Variants in MTMR10 observed in about 807,000 individuals in gnomAD.
The protein encoded by MTMR10 is myotubularin related protein 10.
A neutral mutation model predicts 88.1 loss-of-function variants in MTMR10; 56 were observed. The observed-to-expected ratio is 0.64, with a 90% CI of 0.51 to 0.79. The LOEUF is 0.79. Ranked by LOEUF, MTMR10 falls within the 30% of genes least tolerant of loss-of-function variation. The pLI is 0.00. For synonymous variants in MTMR10, 380 were observed against 340.9 expected (o/e 1.11, Z -1.26); for missense variants, 883 against 924.7 (o/e 0.95, Z 0.58).
downstream of MTMR10, chr15:30,937,076 T>C (rs768313444): frequency 1.3e-6 from 2 of 1,549,002 alleles, no homozygotes; most frequent in South Asian, 2.3e-5. Context: ...GGCTTTTCAT[T>C]CAGTAAGATA....
At position 30,977,061 on chromosome 15, in the gene MTMR10, A is replaced by G. The variant is rs1306020644; in HGVS notation, c.122-106T>C. On this transcript the variant is annotated intron_variant, in intron 2 of 15. Transcript: ENST00000435680. Reference sequence around the variant, plus strand: ...ATGAGGGCAAGGATGAGGATAGTGAAAACATTCACCAATTGCCCACCAGGT... The same window carrying G: ...ATGAGGGCAAGGATGAGGATAGTGAGAACATTCACCAATTGCCCACCAGGT... The G allele has an allele frequency of 5.5e-6, 6 of 1,082,342 alleles. No individual in the cohort carries two copies. In the African/African-American group the frequency reaches 9.5e-5, roughly 17 times the overall value. The allele number at this position is 1,082,342 out of a possible 1,614,324, so 67.0% of individuals were successfully genotyped here. A position where few individuals can be genotyped will look rare whatever the true frequency, so the allele number is the denominator to read the frequency against.
At chr15:30,942,163 A>AAATT (rs2063076730) in intron 15 of MTMR10, 91 bp from the exon 16 acceptor site, 3 of 1,399,202 alleles carry the variant, frequency 2.1e-6, no homozygotes, top group Non-Finnish European at 2.9e-6. Flanking sequence ...ATACTATGAA[A>AAATT]AATTAATGGA....
At chr15:30,937,294 G>A (rs1465896885), downstream of MTMR10, 36 of 1,576,546 alleles carry the variant, frequency 2.3e-5, no homozygotes, top group Non-Finnish European at 3.0e-5. Flanking sequence ...ATACATTAAT[G>A]TAAGATTTTC....
intron 6 of MTMR10, among the ~76,000 whole-genome samples, chr15:30,967,044 C>T (rs1245012023): frequency 1.3e-5 from 2 of 151,826 alleles, no homozygotes; most frequent in Non-Finnish European, 2.9e-5. Context: ...TACCATGTTT[C>T]GTGGTAACAA....
At chr15:30,929,492 A>AT in the MTMR10 span, 1 of 799,202 alleles carries the variant, frequency 1.3e-6, no homozygotes, top group Non-Finnish European at 2.0e-6. Context: ...ACATGTGTGT[A>AT]TATGTAAATA....
intron 2 of MTMR10, among the ~76,000 whole-genome samples, chr15:30,983,266 C>T (rs2030713912): frequency 6.6e-6 from 1 of 152,172 alleles, no homozygotes; most frequent in African/African-American, 2.4e-5. Context: ...AGGAAATTAG[C>T]TTCAGTGTGC....
downstream of MTMR10, chr15:30,938,795 TA>T: frequency 5.8e-6 from 3 of 514,024 alleles, no homozygotes; most frequent in Non-Finnish European, 7.5e-6. Context: ...GAATTGCTGT[TA>T]AAAAAAGTTA....
chr15:30,972,551 C>T (rs1047477128), intron 5 of MTMR10, among the ~76,000 whole-genome samples: 4 of 152,086 alleles, frequency 2.6e-5, no homozygotes, highest in African/African-American at 9.7e-5. Flanking sequence ...TCTTCATGAA[C>T]CAGCAGCACA....
intron 5 of MTMR10, 31 bp from the exon 6 acceptor site, chr15:30,968,041 T>C (rs1330980529): frequency 6.9e-7 from 1 of 1,449,206 alleles, no homozygotes; most frequent in Non-Finnish European, 9.5e-7. Context: ...AGAATTTGAT[T>C]TTAACACACT....
intron 2 of MTMR10, among the ~76,000 whole-genome samples, chr15:30,984,695 A>G (rs897261327): frequency 2.6e-5 from 4 of 152,174 alleles, no homozygotes; most frequent in Non-Finnish European, 4.4e-5. Flanking sequence ...CCGATTACAA[A>G]AGACTCTGAC....
chr15:30,971,612 A>G (rs975977913), intron 5 of MTMR10, among the ~76,000 whole-genome samples: 2 of 152,180 alleles, frequency 1.3e-5, no homozygotes, highest in African/African-American at 4.8e-5. Flanking sequence ...ATCAGAGAAC[A>G]AAGTGGAGAC....
chr15:30,955,499 T>C (rs1414133741), intron 9 of MTMR10, among the ~76,000 whole-genome samples: 1 of 152,156 alleles, frequency 6.6e-6, no homozygotes, highest in Non-Finnish European at 1.5e-5. Flanking sequence ...CTCAAACTCC[T>C]GACCTTGTGA....
At chr15:30,962,663 A>G (rs1023799146) in intron 6 of MTMR10, among the ~76,000 whole-genome samples, 13 of 152,186 alleles carry the variant, frequency 8.5e-5, no homozygotes, top group African/African-American at 2.2e-4. Flanking sequence ...CTGGTATAAG[A>G]CAGGTATTTT....
intron 15 of MTMR10, 173 bp downstream of exon 15, chr15:30,942,717 C>T: frequency 1.5e-6 from 1 of 651,780 alleles, no homozygotes. Flanking sequence ...GCCTCAGACA[C>T]CAGGAAGAAA....
At chr15:30,929,103 C>A in the MTMR10 span, 2 of 943,478 alleles carry the variant, frequency 2.1e-6, no homozygotes, top group Non-Finnish European at 3.2e-6. Flanking sequence ...AAGAATGTAT[C>A]GGTTGGCCGG....
chr15:30,983,339 G>A (rs12439664), intron 2 of MTMR10, among the ~76,000 whole-genome samples: 89,199 of 152,022 alleles, frequency 0.59, 27,582 homozygotes, highest in African/African-American at 0.77. Flanking sequence ...ACACCTGGGA[G>A]GAAATCAAGA....
chr15:30,978,483 T>C (rs1355473180), intron 2 of MTMR10, among the ~76,000 whole-genome samples: 6 of 152,204 alleles, frequency 3.9e-5, no homozygotes, highest in East Asian at 1.9e-4. Context: ...TAATTCAATA[T>C]GGCTAAGCAG....
chr15:30,981,155 A>C lies in MTMR10; in HGVS notation c.122-4200T>G, dbSNP rs543404230. Among the ~76,000 whole-genome samples, 26 of 152,366 alleles carry C rather than the reference A, an allele frequency of 1.7e-4. No homozygotes were observed. In the South Asian group the frequency reaches 5.4e-3, roughly 32 times the overall value. ...GAAACAGGTTATTTGTATAAGCACA[A>C]AGCTATCTTCCCAAAAGTATTGACT... is the stretch of plus-strand genomic sequence containing the variant. On this transcript the variant is annotated intron_variant, in intron 2 of 15. Coordinates refer to ENST00000435680, the MANE Select transcript of MTMR10 (RefSeq NM_017762.3).
At chr15:30,974,812 C>T (rs754504200) in intron 4 of MTMR10, 119 bp downstream of exon 4, 32 of 662,502 alleles carry the variant, frequency 4.8e-5, no homozygotes, top group Admixed American at 1.9e-4. Context: ...CTCAAAAAAA[C>T]GGCAAAAGTA....
Sources: gnomAD v4.1 joint callset for allele counts (sites outside exome capture counted in the v4.1 genomes callset) on GRCh38, gnomAD v4.1.1 for gene constraint, MANE v1.5 for transcripts, NCBI Gene and HGNC (gene_info 2026-07-23, HGNC 2026-07-21) for gene names.